The following ZNF827 variants were observed in gnomAD, a reference collection of about 807,000 sequenced individuals.
The protein encoded by ZNF827 is zinc finger protein 827.
Under a neutral mutation model 102.4 loss-of-function variants are expected in ZNF827, and 13 were observed. The observed-to-expected ratio is 0.13, with a 90% CI of 0.08 to 0.20. The LOEUF (loss-of-function observed/expected upper bound fraction) is 0.20. ZNF827 is among the 10% of genes least tolerant of loss of function. The pLI is 1.00. For missense variants in ZNF827, 1,103 were observed against 1,344.4 expected, an observed-to-expected ratio of 0.82 and a Z score of 2.81; for synonymous variants, 523 against 536.2, an observed-to-expected ratio of 0.98 and a Z score of 0.34.
intron 1 of ZNF827, among the ~76,000 whole-genome samples, chr4:145,922,652 A>G (rs1753149873): frequency 6.6e-6 from 1 of 152,256 alleles, no homozygotes; most frequent in Non-Finnish European, 1.5e-5. Flanking sequence ...CACTTCTGCT[A>G]TCACCAAAGT....
intron 3 of ZNF827, among the ~76,000 whole-genome samples, chr4:145,886,711 G>T (rs953797967): frequency 3.3e-5 from 5 of 150,856 alleles, no homozygotes; most frequent in African/African-American, 1.2e-4. Flanking sequence ...AGAATAAATG[G>T]ATTGAGCGAA....
intron 3 of ZNF827, among the ~76,000 whole-genome samples, chr4:145,890,332 G>A (rs956942600): frequency 2.6e-5 from 4 of 152,098 alleles, no homozygotes; most frequent in South Asian, 2.1e-4. Flanking sequence ...CTGCTTTATC[G>A]TACTGGTTAT....
At chr4:145,804,078 C>G (rs1560942395) in intron 8 of ZNF827, among the ~76,000 whole-genome samples, 1 of 152,096 alleles carries the variant, frequency 6.6e-6, no homozygotes, top group Admixed American at 6.5e-5. Context: ...ACAGCAAAGC[C>G]CTTTTAGAAA....
intron 7 of ZNF827, among the ~76,000 whole-genome samples, chr4:145,838,569 A>C (rs1208018914): frequency 1.3e-5 from 2 of 152,200 alleles, no homozygotes; most frequent in Non-Finnish European, 1.5e-5. Flanking sequence ...GATATTCAAT[A>C]ACAAGGGACT....
intron 4 of ZNF827, among the ~76,000 whole-genome samples, chr4:145,878,258 G>T (rs1291288792): frequency 6.6e-6 from 1 of 152,156 alleles, no homozygotes; most frequent in South Asian, 2.1e-4. Flanking sequence ...CTCCCAAGAG[G>T]AGGAAAATAT....
intron 7 of ZNF827, among the ~76,000 whole-genome samples, chr4:145,825,645 G>A (rs1361547412): frequency 6.6e-6 from 1 of 152,172 alleles, no homozygotes; most frequent in African/African-American, 2.4e-5. Context: ...AGAGGCTGCT[G>A]TGCTATGTGC....
At chr4:145,838,492 G>C (rs1579334836) in intron 7 of ZNF827, among the ~76,000 whole-genome samples, 1 of 152,100 alleles carries the variant, frequency 6.6e-6, no homozygotes, top group Non-Finnish European at 1.5e-5. Context: ...TCTTCACAGG[G>C]ACGCGCATGA....
In ZNF827 at chr4:145,760,844, T is replaced by C; in HGVS notation, c.*772A>G. 8.3e-7 allele frequency: 1 copy of C among 1,207,716 alleles called. No individual in the cohort carries two copies. Among genetic ancestry groups the C allele is most frequent in the Non-Finnish European group, 1.1e-6 (1 of 950,056 alleles). The allele number at this position is 1,207,716 out of a possible 1,614,324, so 74.8% of individuals were successfully genotyped here. The stretch of plus-strand genomic sequence containing the variant: ...AGGAAGGAGTGTTTGGGTGAGGGGA[T>C]GCTGGGAGGCGCAGTCTGAGGTCGG... On this transcript the variant is annotated 3_prime_UTR_variant, in exon 15 of 15. Coordinates refer to ENST00000508784, the MANE Select transcript of ZNF827 (RefSeq NM_001306215.2).
At chr4:145,912,829 G>A (rs1345469107) in intron 1 of ZNF827, among the ~76,000 whole-genome samples, 1 of 152,180 alleles carries the variant, frequency 6.6e-6, no homozygotes, top group Non-Finnish European at 1.5e-5. Context: ...CCAGAATTGT[G>A]AGACAATAAA....
At chr4:145,868,892 A>G (rs189511873) in intron 5 of ZNF827, among the ~76,000 whole-genome samples, 2 of 152,286 alleles carry the variant, frequency 1.3e-5, no homozygotes, top group Admixed American at 1.3e-4. Context: ...GAGCTATGTG[A>G]CCTCTTTGAA....
intron 9 of ZNF827, 54 bp from the exon 10 acceptor site, chr4:145,776,014 C>T (rs1277999160): frequency 6.3e-7 from 1 of 1,597,330 alleles, no homozygotes; most frequent in Non-Finnish European, 8.6e-7. Flanking sequence ...AAGGAAGTCC[C>T]AACACCTTGC....
chr4:145,785,968 GT>G (rs1738800098), intron 8 of ZNF827, among the ~76,000 whole-genome samples: 2 of 152,298 alleles, frequency 1.3e-5, no homozygotes, highest in South Asian at 4.1e-4. Flanking sequence ...GTTAGAAAGT[GT>G]AATATGTCAA....
chr4:145,905,045 G>C (rs538695872), intron 1 of ZNF827, among the ~76,000 whole-genome samples: 1 of 152,316 alleles, frequency 6.6e-6, no homozygotes, highest in Admixed American at 6.5e-5. Context: ...TTATTGCAGA[G>C]CCAACATTCT....
intron 8 of ZNF827, among the ~76,000 whole-genome samples, chr4:145,812,892 G>T (rs1412957258): frequency 6.6e-6 from 1 of 152,104 alleles, no homozygotes; most frequent in East Asian, 1.9e-4. Flanking sequence ...CTGTGGTTTT[G>T]CTTTCTAAGA....
chr4:145,906,806 C>T (rs955761377), intron 1 of ZNF827, among the ~76,000 whole-genome samples: 4 of 152,242 alleles, frequency 2.6e-5, no homozygotes, highest in African/African-American at 9.6e-5. Context: ...TAGATAATTT[C>T]TCAACCATCC....
chr4:145,851,576 T>A (rs535780261), intron 5 of ZNF827, among the ~76,000 whole-genome samples: 1 of 152,362 alleles, frequency 6.6e-6, no homozygotes, highest in East Asian at 1.9e-4. Flanking sequence ...TAAGATCTTA[T>A]GTAAGAAGAG....
rs548961953 is a variant in ZNF827, at chr4:145,932,588, C to G, written c.43+5777G>C. ...CTCCCGGGTTCGCGCCATTCTCCTG[C>G]CTCAGCCTGCCGAGTAGCTGGGACC... On this transcript the variant is annotated intron_variant, in intron 1 of 14. Transcript: ENST00000508784. Among the ~76,000 whole-genome samples, 7 of 152,158 alleles carry G rather than the reference C, an allele frequency of 4.6e-5. No homozygotes were observed. The East Asian group carries it at 1.4e-3, about 29-fold the overall frequency.
rs200909694 is a variant in ZNF827, at chr4:145,902,736, C to T, written c.523G>A (p.Glu175Lys). The change falls in exon 2 of 15, where the codon GAG (glutamate) becomes AAG (lysine). Residue 175 changes from glutamate to lysine, a missense_variant. By Grantham distance (56) the Glu-to-Lys change is moderately conservative. Transcript: ENST00000508784. This position sits in a 1 kb window ranked among gnomAD's most constrained non-coding sequence, Gnocchi z 4.3. ...TATTGGTCATTCTGTTCCTGCTTCT[C>T]GGCCAACTTCCTGGCCAGAACACTG... ...QLSVLARKLA[E>K]KQEQNDQYTP... 15 of 1,614,084 alleles carry T rather than the reference C, an allele frequency of 9.3e-6. No homozygotes were observed. In the Admixed American group the frequency reaches 1.0e-4, roughly 11 times the overall value.
chr4:145,935,510 T>G (rs1259052103), intron 1 of ZNF827, among the ~76,000 whole-genome samples: 2 of 152,040 alleles, frequency 1.3e-5, no homozygotes, highest in Non-Finnish European at 2.9e-5. Flanking sequence ...GCAACACATA[T>G]CCACAAAAAT....
Sources: allele counts gnomAD v4.1 joint callset (sites outside exome capture counted in the v4.1 genomes callset), GRCh38; gene constraint gnomAD v4.1.1; non-coding constraint Gnocchi (gnomAD v3.1); transcripts MANE v1.5; gene names NCBI Gene and HGNC (gene_info 2026-07-23, HGNC 2026-07-21).